Variants in ADAMTSL1 observed in about 807,000 individuals in gnomAD.
ADAMTSL1 encodes the protein ADAMTS like 1, also known as ADAMTS-like protein 1.
ADAMTSL1 carries 126 observed loss-of-function variants against 201.8 expected under a neutral mutation model. That is an observed-to-expected ratio of 0.62 (90% confidence interval 0.54 to 0.72). The LOEUF (loss-of-function observed/expected upper bound fraction) is 0.72, where lower values mean the gene tolerates loss of function less well. ADAMTSL1 is among the 30% of genes least tolerant of loss of function. The pLI is 0.00. For synonymous variants in ADAMTSL1, 1,121 were observed against 903.4 expected (o/e 1.24, Z -4.32); for missense variants, 2,679 against 2,277.8 (o/e 1.18, Z -3.59).
chr9:18,585,700 C>A (rs1035724008), intron 4 of ADAMTSL1, among the ~76,000 whole-genome samples: 5 of 152,038 alleles, frequency 3.3e-5, no homozygotes, highest in Non-Finnish European at 5.9e-5. Flanking sequence ...ATGCAAAGAT[C>A]CTCAACAAAA....
chr9:18,452,416 C>G (rs184726346), intron 2 of ADAMTSL1, among the ~76,000 whole-genome samples: 4 of 152,144 alleles, frequency 2.6e-5, no homozygotes, highest in Non-Finnish European at 5.9e-5. Flanking sequence ...CACTAATCCC[C>G]GAAGTCACAT....
chr9:18,416,327 T>G (rs866705044), intron 2 of ADAMTSL1, among the ~76,000 whole-genome samples: 7 of 151,746 alleles, frequency 4.6e-5, no homozygotes, highest in Middle Eastern at 3.4e-3. Context: ...AAGCAACCAC[T>G]AAACTAACCC....
intron 2 of ADAMTSL1, among the ~76,000 whole-genome samples, chr9:18,263,876 G>T (rs908877105): frequency 6.6e-6 from 1 of 152,118 alleles, no homozygotes; most frequent in Non-Finnish European, 1.5e-5. Context: ...TTGAATCGGT[G>T]ACTCCTTGAT....
chr9:18,210,355 C>G (rs1464632220), intron 2 of ADAMTSL1, among the ~76,000 whole-genome samples: 1 of 146,952 alleles, frequency 6.8e-6, no homozygotes, highest in African/African-American at 2.5e-5. Context: ...TTACAACTAG[C>G]TTTAAATAGA....
chr9:18,222,517 C>G (rs146560142), intron 2 of ADAMTSL1, among the ~76,000 whole-genome samples: 1 of 151,862 alleles, frequency 6.6e-6, no homozygotes, highest in East Asian at 1.9e-4. Context: ...CTTCAATCAT[C>G]TTTTCCCAGT....
At chr9:17,953,433 G>A (rs1161714831) in intron 1 of ADAMTSL1, among the ~76,000 whole-genome samples, 1 of 152,140 alleles carries the variant, frequency 6.6e-6, no homozygotes, top group East Asian at 1.9e-4. Context: ...CTTTACAAAA[G>A]CAAAGTGCTT....
chr9:18,376,690 C>T (rs1837310644), intron 2 of ADAMTSL1, among the ~76,000 whole-genome samples: 1 of 152,070 alleles, frequency 6.6e-6, no homozygotes, highest in African/African-American at 2.4e-5. Flanking sequence ...CCTGTAATCC[C>T]AACTACCTGG....
At chr9:18,645,592 C>G (rs1827755465) in intron 7 of ADAMTSL1, among the ~76,000 whole-genome samples, 1 of 151,908 alleles carries the variant, frequency 6.6e-6, no homozygotes, top group South Asian at 2.1e-4. Context: ...GATCCAGTTT[C>G]AGCTTTCTAC....
At chr9:18,153,253 A>AC (rs1317005079) in intron 1 of ADAMTSL1, among the ~76,000 whole-genome samples, 1 of 152,028 alleles carries the variant, frequency 6.6e-6, no homozygotes, top group Non-Finnish European at 1.5e-5. Flanking sequence ...AAAGGACATG[A>AC]CTGGCATCAA....
At chr9:18,269,512 A>G (rs1438214173) in intron 2 of ADAMTSL1, among the ~76,000 whole-genome samples, 1 of 152,188 alleles carries the variant, frequency 6.6e-6, no homozygotes, top group East Asian at 1.9e-4. Context: ...GAAATATATA[A>G]TGGTTTTCTA....
intron 20 of ADAMTSL1, among the ~76,000 whole-genome samples, chr9:18,798,213 T>C (rs1257419815): frequency 1.3e-5 from 2 of 152,150 alleles, no homozygotes; most frequent in African/African-American, 4.8e-5. Context: ...GGAAATTTGT[T>C]CATAATGATT....
intron 2 of ADAMTSL1, among the ~76,000 whole-genome samples, chr9:18,435,571 G>A (rs1350611362): frequency 6.6e-6 from 1 of 152,210 alleles, no homozygotes; most frequent in Non-Finnish European, 1.5e-5. Flanking sequence ...CCAGGGAAGG[G>A]TTCTGACAGA....
chr9:18,795,483 C>A lies in ADAMTSL1; in HGVS notation c.3764C>A (p.Ala1255Asp). 6.2e-7 allele frequency: 1 copy of A among 1,613,794 alleles called. No individual in the cohort carries two copies. Among genetic ancestry groups the A allele is most frequent in the East Asian group, 2.2e-5 (1 of 44,866 alleles). ...VGFYTCNATNALGYDSVSIAV... is the reference protein window; with the variant it reads ...VGFYTCNATNDLGYDSVSIAV... ...TTCTACACTTGCAATGCCACCAATG[C>A]CTTGGGATACGACTCTGTCTCCATT... The change falls in exon 20 of 29, where the codon GCC (alanine) becomes GAC (aspartate). Residue 1255 changes from alanine to aspartate, a missense_variant. Physicochemically the swap from Ala to Asp is moderately radical, Grantham distance 126. Transcript: ENST00000380548.
intron 4 of ADAMTSL1, among the ~76,000 whole-genome samples, chr9:18,588,559 A>T (rs1297329875): frequency 1.3e-5 from 2 of 151,820 alleles, no homozygotes; most frequent in African/African-American, 4.8e-5. Flanking sequence ...GCATTTCCCT[A>T]ATCTTTTCTT....
chr9:18,588,904 C>CATATATAT (rs1280236981), intron 4 of ADAMTSL1, among the ~76,000 whole-genome samples: 8 of 124,596 alleles, frequency 6.4e-5, no homozygotes, highest in Admixed American at 1.6e-4. Context: ...TATATATATA[C>CATATATAT]ATATATATAC....
intron 13 of ADAMTSL1, among the ~76,000 whole-genome samples, chr9:18,695,538 G>C (rs1831499878): frequency 6.6e-6 from 1 of 152,164 alleles, no homozygotes; most frequent in Non-Finnish European, 1.5e-5. Flanking sequence ...TTGCTGCTTA[G>C]AAATTTCTTC....
chr9:18,497,695 A>G lies in ADAMTSL1; in HGVS notation c.64-7134A>G, dbSNP rs1400260488. ...GAGATAAGCTGATTCAAAATATTCA[A>G]TGGTCTGTCGAAAATTTCCTGAATA... On this transcript the variant is annotated intron_variant, in intron 1 of 28. Transcript: ENST00000380548. 6.6e-5 allele frequency among the ~76,000 whole-genome samples: 10 copies of G among 152,348 alleles called. No individual in the cohort carries two copies. In the East Asian group the frequency reaches 9.6e-4, roughly 15 times the overall value.
intron 13 of ADAMTSL1, among the ~76,000 whole-genome samples, chr9:18,691,395 G>A (rs909567226): frequency 7.9e-5 from 12 of 152,148 alleles, no homozygotes; most frequent in African/African-American, 2.7e-4. Flanking sequence ...TTTGATTCCA[G>A]AACTAGTACT....
intron 1 of ADAMTSL1, among the ~76,000 whole-genome samples, chr9:18,480,977 A>G (rs914192895): frequency 2.0e-5 from 3 of 152,170 alleles, no homozygotes; most frequent in African/African-American, 4.8e-5. Context: ...AGTGAGGCCA[A>G]GAACATAGAA....
Sources: allele counts gnomAD v4.1 joint callset (sites outside exome capture counted in the v4.1 genomes callset), GRCh38; gene constraint gnomAD v4.1.1; transcripts MANE v1.5; gene names NCBI Gene and HGNC (gene_info 2026-07-23, HGNC 2026-07-21).